Variants in PAK6 observed in about 807,000 individuals in gnomAD.
The protein encoded by PAK6 is p21 (RAC1) activated kinase 6.
Under a neutral mutation model 60.8 loss-of-function variants are expected in PAK6, and 33 were observed. The observed-to-expected ratio is 0.54, with a 90% CI of 0.41 to 0.73. PAK6 has a LOEUF of 0.73. Among genes scored for constraint, PAK6 ranks in the 30% least tolerant of loss-of-function variants. The pLI, the probability that PAK6 is intolerant of heterozygous loss-of-function variation, is 0.00. For missense variants in PAK6, 845 were observed against 904.1 expected (o/e 0.93, Z 0.84); for synonymous variants, 404 against 378.5 (o/e 1.07, Z -0.78).
At chr15:40,260,826 ATTTT>A (rs2038961757) in intron 3 of PAK6, among the ~76,000 whole-genome samples, 1 of 151,908 alleles carries the variant, frequency 6.6e-6, no homozygotes. Context: ...AGGACTTTGT[ATTTT>A]TTTGTTAGAT....
At chr15:40,244,403 ATT>A (rs146019058) in intron 2 of PAK6, among the ~76,000 whole-genome samples, 6 of 136,668 alleles carry the variant, frequency 4.4e-5, no homozygotes, top group Admixed American at 1.5e-4. Context: ...TTTTCTTTTT[ATT>A]TTTTTTTTTG....
intron 5 of PAK6, among the ~76,000 whole-genome samples, chr15:40,268,273 C>A (rs1057301601): frequency 6.6e-6 from 1 of 152,184 alleles, no homozygotes; most frequent in Non-Finnish European, 1.5e-5. Flanking sequence ...GGCTTCTCAG[C>A]GTCCTCACTG....
At chr15:40,241,082 T>G (rs2038316160) in intron 2 of PAK6, among the ~76,000 whole-genome samples, 1 of 152,154 alleles carries the variant, frequency 6.6e-6, no homozygotes. Flanking sequence ...TGGCTGGGTT[T>G]GACCTGGCAC....
chr15:40,259,494 T>C (rs2038925713), intron 3 of PAK6: 1 of 152,192 alleles, frequency 6.6e-6, no homozygotes, highest in Non-Finnish European at 1.5e-5. Context: ...TTTAAAAATA[T>C]TTTGTTTTTG....
intron 2 of PAK6, chr15:40,252,297 C>G (rs1489112430): frequency 2.4e-6 from 3 of 1,228,626 alleles, no homozygotes; most frequent in South Asian, 2.9e-5. Context: ...AGCTGATTCT[C>G]CAGGTCGGGT....
intron 2 of PAK6, among the ~76,000 whole-genome samples, chr15:40,243,873 C>A (rs1400349385): frequency 6.6e-6 from 1 of 152,224 alleles, no homozygotes; most frequent in Non-Finnish European, 1.5e-5. Flanking sequence ...GGCCCTACTC[C>A]TTTTGGGGAC....
In PAK6 at chr15:40,269,044, C is replaced by T. The variant is rs531562522; in HGVS notation, c.858+2549C>T. Among the ~76,000 whole-genome samples the T allele has an allele frequency of 2.6e-4, 39 of 152,286 alleles. No individual in the cohort carries two copies. The South Asian group carries it at 6.6e-3, about 26-fold the overall frequency. ...GCTTTATTAGTAGTATTTGAGATGG[C>T]GTCTCCCTCTTTCGCCCAGGCTGGA... On this transcript the variant is annotated intron_variant, in intron 5 of 10. Coordinates refer to ENST00000560346, the Ensembl canonical transcript of PAK6.
At chr15:40,260,589 C>A (rs761821284) in intron 3 of PAK6, among the ~76,000 whole-genome samples, 1 of 152,190 alleles carries the variant, frequency 6.6e-6, no homozygotes, top group Non-Finnish European at 1.5e-5. Context: ...AATCCTCCAA[C>A]TTCGTTCATT....
intron 3 of PAK6, among the ~76,000 whole-genome samples, chr15:40,264,081 T>G (rs1203193975): frequency 2.0e-5 from 3 of 152,200 alleles, no homozygotes; most frequent in Non-Finnish European, 4.4e-5. Flanking sequence ...GTAAAGCACA[T>G]GGTAACCATG....
chr15:40,253,919 G>T (rs2038763583), intron 3 of PAK6, among the ~76,000 whole-genome samples: 1 of 152,096 alleles, frequency 6.6e-6, no homozygotes, highest in African/African-American at 2.4e-5. Flanking sequence ...TTGTTTTTCT[G>T]GGTGAAGGGG....
At chr15:40,244,036 G>T (rs2038429303) in intron 2 of PAK6, among the ~76,000 whole-genome samples, 1 of 152,178 alleles carries the variant, frequency 6.6e-6, no homozygotes, top group Admixed American at 6.5e-5. Flanking sequence ...GCTTAGAAAT[G>T]CCTAGTAATC....
chr15:40,263,235 T>C (rs1389386399), intron 3 of PAK6, among the ~76,000 whole-genome samples: 1 of 152,238 alleles, frequency 6.6e-6, no homozygotes, highest in East Asian at 1.9e-4. Context: ...GCACTCCAGA[T>C]CTTCGGGCGG....
exon 5 of PAK6, chr15:40,266,396 G>C (rs374286048): frequency 3.7e-6 from 6 of 1,613,206 alleles, no homozygotes; most frequent in Non-Finnish European, 5.1e-6. Context: ...AGACCCGGGA[G>C]AGCAGCCTGA....
exon 5 of PAK6, chr15:40,266,196 G>A: frequency 1.2e-6 from 2 of 1,609,590 alleles, no homozygotes; most frequent in South Asian, 2.2e-5. Flanking sequence ...CGAGTTTCAG[G>A]GTGCCTCGCA....
chr15:40,242,695 T>C (rs577110150), intron 2 of PAK6, among the ~76,000 whole-genome samples: 4 of 152,252 alleles, frequency 2.6e-5, no homozygotes, highest in African/African-American at 9.6e-5. Flanking sequence ...GCCTGGGAAG[T>C]TGTCCCCTTC....
chr15:40,267,097 CT>C (rs1307011741), intron 5 of PAK6: 1 of 152,388 alleles, frequency 6.6e-6, no homozygotes, highest in Admixed American at 6.5e-5. Flanking sequence ...GCTCATGACT[CT>C]TGCGTATGAA....
intron 2 of PAK6, among the ~76,000 whole-genome samples, chr15:40,248,335 C>T (rs2038553813): frequency 6.6e-6 from 1 of 152,320 alleles, no homozygotes; most frequent in African/African-American, 2.4e-5. Context: ...AGGTGCTGGA[C>T]AGCCTGGAGG....
chr15:40,277,352 C>G (rs2039483120), exon 11 of PAK6: 1 of 152,502 alleles, frequency 6.6e-6, no homozygotes, highest in Non-Finnish European at 1.5e-5. Context: ...CCCTAGTGAC[C>G]TACCTGGGGG....
chr15:40,265,656 C>G (rs2039105730), intron 4 of PAK6, among the ~76,000 whole-genome samples, 186 bp from the exon 5 acceptor site: 1 of 152,230 alleles, frequency 6.6e-6, no homozygotes, highest in Non-Finnish European at 1.5e-5. Context: ...GCATCCAGCA[C>G]AGGCGGGACC....
Sources: gnomAD v4.1 joint callset for allele counts (sites outside exome capture counted in the v4.1 genomes callset) on GRCh38, gnomAD v4.1.1 for gene constraint, MANE v1.5 for transcripts, NCBI Gene and HGNC (gene_info 2026-07-23, HGNC 2026-07-21) for gene names.